The following USH2A variants were observed in gnomAD, a reference collection of about 807,000 sequenced individuals.
USH2A encodes the protein usherin.
Under a neutral mutation model 538.9 loss-of-function variants are expected in USH2A, and 443 were observed. The observed-to-expected ratio is 0.82, with a 90% CI of 0.76 to 0.89. The LOEUF is 0.89. Among genes scored for constraint, USH2A ranks in the 40% least tolerant of loss-of-function variants. The probability of loss-of-function intolerance (pLI) is 0.00; values close to 1 mark genes in which losing one functional copy is unlikely to be tolerated. For missense variants in USH2A, 6,633 were observed against 6,324.8 expected (o/e 1.05, Z -1.65); for synonymous variants, 2,413 against 2,273.5 (o/e 1.06, Z -1.75).
intron 22 of USH2A, among the ~76,000 whole-genome samples, chr1:216,092,424 T>G (rs534397037): frequency 1.3e-4 from 20 of 152,348 alleles, no homozygotes; most frequent in African/African-American, 4.1e-4. Context: ...GTACCCAAAG[T>G]ATTTAAAATA....
At chr1:215,640,844 C>CAAAAAAAAAAAAAAAAAAAAAAAACAA in intron 67 of USH2A, 110 bp from the exon 68 acceptor site, 1 of 496,052 alleles carries the variant, frequency 2.0e-6, no homozygotes, top group African/African-American at 2.6e-5. Context: ...CCAATCCAAA[C>CAAAAAAAAAAAAAAAAAAAAAAAACAA]AAAAAAAAAA....
chr1:215,626,366 G>A (rs1656024701), intron 71 of USH2A, among the ~76,000 whole-genome samples: 1 of 151,134 alleles, frequency 6.6e-6, no homozygotes, highest in Non-Finnish European at 1.5e-5. Context: ...GTTTCACCAT[G>A]TTGGCCAGTC....
rs1341400889 is a variant in USH2A at position 215,813,804 on chromosome 1, C to T, written c.9671G>A (p.Gly3224Asp). ...FVLNSTGVCC[G>D]GRIQEAQPNH... is the part of the protein sequence containing the mutation. ...TGGTTGTGCCTCCTGTATTCGGCCA[C>T]CACAACAAACTCCAGTAGAATTCAG... The change falls in exon 49 of 72, where the codon GGT becomes GAT. Residue 3224 changes from glycine to aspartate, a missense_variant. Coordinates refer to ENST00000307340, the MANE Select transcript of USH2A (RefSeq NM_206933.4). The T allele has an allele frequency of 6.2e-7, 1 of 1,613,920 alleles. No homozygotes were observed. The highest frequency in any genetic ancestry group is 8.5e-7 in the Non-Finnish European group (1 of 1,179,888).
At chr1:215,866,001 C>A (rs1236742595) in intron 44 of USH2A, among the ~76,000 whole-genome samples, 2 of 152,156 alleles carry the variant, frequency 1.3e-5, no homozygotes, top group Non-Finnish European at 2.9e-5. Flanking sequence ...CATTGCCCAA[C>A]CAGTAGTGAC....
At chr1:215,787,841 C>T (rs1661846350) in intron 51 of USH2A, among the ~76,000 whole-genome samples, 2 of 151,998 alleles carry the variant, frequency 1.3e-5, no homozygotes, top group South Asian at 2.1e-4. Context: ...GTCAGGATTT[C>T]GAGACCAGAC....
At chr1:216,213,166 A>C (rs2035277756) in intron 15 of USH2A, among the ~76,000 whole-genome samples, 1 of 152,116 alleles carries the variant, frequency 6.6e-6, no homozygotes, top group African/African-American at 2.4e-5. Context: ...GGCTTATAGA[A>C]ACACAACTAA....
intron 58 of USH2A, among the ~76,000 whole-genome samples, chr1:215,748,188 C>T (rs113792134): frequency 0.05 from 7,579 of 152,170 alleles, 221 homozygotes; most frequent in African/African-American, 0.075. Context: ...TCTTGCTTTG[C>T]CACCAGGCTG....
At position 215,831,611 on chromosome 1, in the gene USH2A, T is replaced by C. The variant is rs186198853; in HGVS notation, c.9371+6380A>G. ...AAACAATACCCTTGTAAATAATCCA[T>C]GGGTTAAAGAAGTCTCAAGAGAAAT... On this transcript the variant is annotated intron_variant, in intron 47 of 71. Coordinates refer to ENST00000307340, the MANE Select transcript of USH2A (RefSeq NM_206933.4). 1.5e-3 allele frequency among the ~76,000 whole-genome samples: 224 copies of C among 152,222 alleles called. 1 individual carries two copies. The highest frequency in any genetic ancestry group is 5.1e-3 in the African/African-American group (210 of 41,582).
At chr1:215,883,339 CTA>C (rs2102455641) in intron 41 of USH2A, among the ~76,000 whole-genome samples, 1 of 151,946 alleles carries the variant, frequency 6.6e-6, no homozygotes, top group Non-Finnish European at 1.5e-5. Flanking sequence ...CTTTCCAGAT[CTA>C]TCTTTTGGAT....
intron 3 of USH2A, among the ~76,000 whole-genome samples, chr1:216,403,496 G>T (rs1472244015): frequency 6.6e-6 from 1 of 152,084 alleles, no homozygotes; most frequent in Non-Finnish European, 1.5e-5. Context: ...TCCAAATTCA[G>T]ATGTCATGAT....
chr1:216,246,506 C>T, intron 13 of USH2A, 79 bp downstream of exon 13: 1 of 1,600,588 alleles, frequency 6.2e-7, no homozygotes, highest in Non-Finnish European at 8.6e-7. Context: ...AAGCCACAAA[C>T]CAGAAACAGG....
chr1:215,981,207 A>T (rs1667745107), intron 35 of USH2A, among the ~76,000 whole-genome samples: 1 of 152,138 alleles, frequency 6.6e-6, no homozygotes, highest in Admixed American at 6.6e-5. Flanking sequence ...TCTTATGTTT[A>T]TCAGACATTT....
intron 3 of USH2A, among the ~76,000 whole-genome samples, chr1:216,376,693 C>A (rs946459020): frequency 2.0e-5 from 3 of 151,976 alleles, no homozygotes; most frequent in African/African-American, 4.8e-5. Context: ...AGGGAATAAG[C>A]CAAAGTATAC....
chr1:215,958,114 A>G (rs143234064), intron 37 of USH2A, among the ~76,000 whole-genome samples: 27 of 151,764 alleles, frequency 1.8e-4, no homozygotes, highest in African/African-American at 5.6e-4. Context: ...TACCTTCTCA[A>G]GAAAATAAAC....
At chr1:215,975,277 G>T (rs1667595692) in intron 35 of USH2A, among the ~76,000 whole-genome samples, 1 of 152,110 alleles carries the variant, frequency 6.6e-6, no homozygotes, top group East Asian at 1.9e-4. Flanking sequence ...TCTGTAATTT[G>T]TCTGTTTACT....
At chr1:216,040,425 A>G (rs1347614614) in intron 32 of USH2A, among the ~76,000 whole-genome samples, 1 of 152,074 alleles carries the variant, frequency 6.6e-6, no homozygotes, top group Non-Finnish European at 1.5e-5. Flanking sequence ...CACAACTCGC[A>G]TAAACCTCCT....
chr1:216,090,549 C>A (rs919062537), intron 22 of USH2A, among the ~76,000 whole-genome samples: 2 of 152,016 alleles, frequency 1.3e-5, no homozygotes, highest in African/African-American at 4.8e-5. Flanking sequence ...GACCATCTGG[C>A]AAGTTCTAGT....
intron 49 of USH2A, among the ~76,000 whole-genome samples, chr1:215,805,517 T>C (rs933810970): frequency 1.3e-5 from 2 of 152,148 alleles, no homozygotes. Context: ...GTGGTAATGA[T>C]TGTACAACAA....
intron 2 of USH2A, among the ~76,000 whole-genome samples, chr1:216,420,328 T>C (rs973162396): frequency 6.6e-6 from 1 of 152,112 alleles, no homozygotes; most frequent in African/African-American, 2.4e-5. Flanking sequence ...CTTGTAAACA[T>C]ACTAGCTTTG....
Sources: gnomAD v4.1 joint callset for allele counts (sites outside exome capture counted in the v4.1 genomes callset) on GRCh38, gnomAD v4.1.1 for gene constraint, MANE v1.5 for transcripts, NCBI Gene and HGNC (gene_info 2026-07-23, HGNC 2026-07-21) for gene names.